TECPR2: variants seen among roughly 807,000 people sequenced by gnomAD.
TECPR2 encodes the protein tectonin beta-propeller repeat containing 2.
Under a neutral mutation model 138.1 loss-of-function variants are expected in TECPR2, and 65 were observed. That is an observed-to-expected ratio of 0.47 (90% CI 0.39 to 0.58). The LOEUF is 0.58. Among genes scored for constraint, TECPR2 ranks in the 20% least tolerant of loss-of-function variants. The pLI, the probability that TECPR2 is intolerant of heterozygous loss-of-function variation, is 0.00. For synonymous variants in TECPR2, 746 were observed against 749.8 expected, an observed-to-expected ratio of 0.99 and a Z score of 0.08; for missense variants, 1,553 against 1,824.5, an observed-to-expected ratio of 0.85 and a Z score of 2.71.
chr14:102,490,989 G>T (rs529017047), intron 17 of TECPR2, among the ~76,000 whole-genome samples: 3 of 152,234 alleles, frequency 2.0e-5, no homozygotes, highest in South Asian at 2.1e-4. Context: ...CTGCCTCCCG[G>T]GTTCAAGTGA....
intron 2 of TECPR2, among the ~76,000 whole-genome samples, chr14:102,401,837 A>G (rs1233735905): frequency 6.7e-6 from 1 of 149,302 alleles, no homozygotes; most frequent in African/African-American, 2.5e-5. Context: ...AGAGAGACTC[A>G]CTTTAAATCC....
rs187801594 is a variant in TECPR2, at chr14:102,451,805, G to A, written c.3407-589G>A. Among the ~76,000 whole-genome samples the A allele has an allele frequency of 9.6e-4, 146 of 152,234 alleles. 1 individual carries two copies. Among genetic ancestry groups the A allele is most frequent in the African/African-American group, 3.4e-3 (142 of 41,528 alleles). On this transcript the variant is annotated intron_variant, in intron 15 of 19. Coordinates refer to ENST00000359520, the MANE Select transcript of TECPR2 (RefSeq NM_014844.5). The stretch of plus-strand genomic sequence containing the variant: ...TTAAACAGAATCTGTTAAACCTAAA[G>A]GACTTTTTTAAAATGCTGTAGGGAA...
rs898605445 is a variant in TECPR2 at position 102,434,240 on chromosome 14, G to A, written c.1423G>A (p.Gly475Arg). 1 of 1,367,710 alleles carries A rather than the reference G, an allele frequency of 7.3e-7. No individual in the cohort carries two copies. Among genetic ancestry groups the A allele is most frequent in the Non-Finnish European group, 9.5e-7 (1 of 1,053,864 alleles). 84.7% of individuals were successfully genotyped at this position (1,367,710 alleles called of 1,614,324 possible). The part of the protein sequence containing the change: ...RKKKKKKTEG[G>R]SRSTCHSSLE... ...ATGTTCTTATTCTGAATTAGAAGGT[G>A]GAAGCAGGAGCACCTGTCACAGCTC... is the stretch of plus-strand genomic sequence containing the variant. Residue 475 changes from glycine to arginine, a missense_variant, in exon 9 of 20, where the codon GGA (glycine) becomes AGA (arginine). Transcript: ENST00000359520.
At chr14:102,376,581 G>T in intron 1 of TECPR2, 69 bp from the exon 2 acceptor site, 1 of 705,844 alleles carries the variant, frequency 1.4e-6, no homozygotes, top group Non-Finnish European at 2.4e-6. Flanking sequence ...GTTCCATGTT[G>T]CCAGTATTAA....
chr14:102,428,360 G>A lies in TECPR2; in HGVS notation c.1062G>A (p.Arg354=). The A allele has an allele frequency of 6.2e-7, 1 of 1,609,242 alleles. No homozygotes were observed. Among genetic ancestry groups the A allele is most frequent in the South Asian group, 1.1e-5 (1 of 89,496 alleles). ...GDRNIIRISS[R]PEGLTSTVRD... ...GGAACATTATAAGAATTTCAAGCAGGCCTGAAGGATTAACATCAACAGGTT... is the reference window on the plus strand; with the variant it reads ...GGAACATTATAAGAATTTCAAGCAGACCTGAAGGATTAACATCAACAGGTT... Residue 354 remains arginine, a synonymous_variant, in exon 7 of 20, where the codon AGG becomes AGA. Transcript: ENST00000359520.
chr14:102,372,173 A>G (rs1887522992), intron 1 of TECPR2, among the ~76,000 whole-genome samples: 1 of 151,906 alleles, frequency 6.6e-6, no homozygotes, highest in Admixed American at 6.6e-5. Flanking sequence ...CTGGTCTCAA[A>G]TTTCTGGCCT....
intron 2 of TECPR2, among the ~76,000 whole-genome samples, chr14:102,396,169 C>T (rs1192605559): frequency 6.7e-6 from 1 of 149,598 alleles, no homozygotes; most frequent in Non-Finnish European, 1.5e-5. Context: ...GTGGCGCGAT[C>T]TCAGCTCATT....
At chr14:102,412,257 G>A (rs552168192) in intron 4 of TECPR2, among the ~76,000 whole-genome samples, 38 of 150,124 alleles carry the variant, frequency 2.5e-4, no homozygotes, top group African/African-American at 8.1e-4. Flanking sequence ...TTGGCCTCCC[G>A]AGTAGCTGGG....
intron 6 of TECPR2, among the ~76,000 whole-genome samples, chr14:102,426,502 C>T (rs1279268553): frequency 1.3e-5 from 2 of 152,178 alleles, no homozygotes; most frequent in Non-Finnish European, 2.9e-5. Context: ...CTGAGCTCAG[C>T]GGGCCTCTGA....
At chr14:102,369,794 C>CA (rs1354299593) in intron 1 of TECPR2, among the ~76,000 whole-genome samples, 1 of 151,116 alleles carries the variant, frequency 6.6e-6, no homozygotes, top group African/African-American at 2.4e-5. Context: ...AACAAAAAAA[C>CA]AAAAAAACAA....
At position 102,483,974 on chromosome 14, in the gene TECPR2, T is replaced by C; in HGVS notation, c.3790-13005T>C. On this transcript the variant is annotated intron_variant, in intron 17 of 19. Coordinates refer to ENST00000359520, the MANE Select transcript of TECPR2 (RefSeq NM_014844.5). The stretch of plus-strand genomic sequence containing the variant: ...ACCATGCCTGGCTGATTCTTATATT[T>C]TCAGTAGAGACAAGGTTTCACCATG... Among the ~76,000 whole-genome samples the C allele has an allele frequency of 1.8e-5, 2 of 108,356 alleles. 1 individual carries two copies. Among genetic ancestry groups the C allele is most frequent in the Non-Finnish European group, 3.7e-5 (2 of 53,994 alleles). The allele number at this position is 108,356 out of a possible 152,430, so 71.1% of individuals were successfully genotyped here. A position where few individuals can be genotyped will look rare whatever the true frequency, so the allele number is the denominator to read the frequency against.
chr14:102,452,620 C>G lies in TECPR2; in HGVS notation c.3633C>G (p.Ser1211=), dbSNP rs1890176054. 6.3e-7 allele frequency: 1 copy of G among 1,592,224 alleles called. No homozygotes were observed. The highest frequency in any genetic ancestry group is 8.5e-7 in the Non-Finnish European group (1 of 1,170,036). The part of the protein sequence containing the change: ...TGMHWTRLDL[S]QLGAVKLTSL... The stretch of plus-strand genomic sequence containing the variant: ...TGCACTGGACCAGGCTGGACCTCTC[C>G]CAGCTAGGTACGGCCACCTCGTGAG... The change falls in exon 16 of 20, where the codon TCC becomes TCG. Residue 1211 remains serine (S), a synonymous_variant. Coordinates refer to ENST00000359520, the MANE Select transcript of TECPR2 (RefSeq NM_014844.5).
intron 13 of TECPR2, among the ~76,000 whole-genome samples, chr14:102,449,366 G>A (rs1159528088): frequency 6.6e-6 from 1 of 152,244 alleles, no homozygotes; most frequent in Non-Finnish European, 1.5e-5. Context: ...TTGTATAAAA[G>A]TATATAAAAT....
chr14:102,407,449 C>A lies in TECPR2; in HGVS notation c.331C>A (p.Pro111Thr). 1 of 1,612,674 alleles carries A rather than the reference C, an allele frequency of 6.2e-7. No homozygotes were observed. The highest frequency in any genetic ancestry group is 1.3e-5 in the African/African-American group (1 of 74,970). The change falls in exon 3 of 20, where the codon CCA becomes ACA. Residue 111 changes from proline (P) to threonine (T), a missense_variant. By Grantham distance (38) the Pro-to-Thr change is conservative. Transcript: ENST00000359520. ...AGTTTTTCAACTTGTATCTTCATTG[C>A]CAGGGAGAAATAAACAGGTGAGTAC... ...VAVFQLVSSLPGRNKQLRRFD... is the reference protein window; with the variant it reads ...VAVFQLVSSLTGRNKQLRRFD...
chr14:102,488,548 T>C (rs1036350735), intron 17 of TECPR2, among the ~76,000 whole-genome samples: 3 of 151,846 alleles, frequency 2.0e-5, no homozygotes, highest in African/African-American at 7.3e-5. Context: ...CTCTCCATAT[T>C]GGTCAGGCTG....
chr14:102,465,826 A>T (rs910379138), intron 17 of TECPR2, among the ~76,000 whole-genome samples: 2 of 152,106 alleles, frequency 1.3e-5, no homozygotes, highest in Admixed American at 1.3e-4. Flanking sequence ...CACTCAGCTC[A>T]CAAGGAGAAG....
At position 102,474,335 on chromosome 14, in the gene TECPR2, T is replaced by G. The variant is rs192734035; in HGVS notation, c.3789+9046T>G. On this transcript the variant is annotated intron_variant, in intron 17 of 19. Coordinates refer to ENST00000359520, the MANE Select transcript of TECPR2 (RefSeq NM_014844.5). ...TAGAAGAAACTACAACAAAGGTGAC[T>G]GTTATGGGGCCGGGCACGGTGGCTC... is the stretch of plus-strand genomic sequence containing the variant. 2.8e-3 allele frequency among the ~76,000 whole-genome samples: 422 copies of G among 152,162 alleles called. 2 individuals are homozygous for G. The highest frequency in any genetic ancestry group is 4.9e-3 in the Non-Finnish European group (332 of 68,004).
intron 16 of TECPR2, among the ~76,000 whole-genome samples, chr14:102,454,814 G>A (rs1890235482): frequency 6.6e-6 from 1 of 152,224 alleles, no homozygotes; most frequent in Non-Finnish European, 1.5e-5. Flanking sequence ...GTGAGAAGCA[G>A]AACTGCTTCC....
intron 9 of TECPR2, 30 bp from the exon 10 acceptor site, chr14:102,437,992 C>G: frequency 6.2e-7 from 1 of 1,607,316 alleles, no homozygotes. Context: ...TGTCCTCTGC[C>G]ACAGAACTCA....
Sources: allele counts gnomAD v4.1 joint callset (sites outside exome capture counted in the v4.1 genomes callset), GRCh38; gene constraint gnomAD v4.1.1; transcripts MANE v1.5; gene names NCBI Gene and HGNC (gene_info 2026-07-23, HGNC 2026-07-21).